The following SLC8B1 variants were observed in gnomAD, a reference collection of about 807,000 sequenced individuals.
SLC8B1 encodes the protein mitochondrial sodium/calcium exchanger protein.
In SLC8B1, 52 loss-of-function variants were observed where a neutral mutation model predicts 63.4. That is an observed-to-expected ratio of 0.82 (90% CI 0.66 to 1.03). The LOEUF is 1.03. SLC8B1 is among the 50% of genes least tolerant of loss of function. The pLI is 0.00. For synonymous variants in SLC8B1, 336 were observed against 323.9 expected (o/e 1.04, Z -0.40); for missense variants, 657 against 741.7 (o/e 0.89, Z 1.33).
intron 11 of SLC8B1, among the ~76,000 whole-genome samples, chr12:113,312,409 C>T (rs959583310): frequency 6.6e-6 from 1 of 152,144 alleles, no homozygotes; most frequent in African/African-American, 2.4e-5. Context: ...GCAATGACAG[C>T]CATGGACTTT....
In SLC8B1 at chr12:113,299,656, GCAAGGGCCGCACTCTCGTGCCCA is replaced by G; in HGVS notation, c.*98_*120del. The G allele has an allele frequency of 1.1e-6, 1 of 898,112 alleles. No homozygotes were observed. The highest frequency in any genetic ancestry group is 1.8e-6 in the Non-Finnish European group (1 of 566,290). 55.6% of individuals were successfully genotyped at this position (898,112 alleles called of 1,614,324 possible). A position where few individuals can be genotyped will look rare whatever the true frequency, so the allele number is the denominator to read the frequency against. On this transcript the variant is annotated 3_prime_UTR_variant, in exon 16 of 16. Transcript: ENST00000680972. ...CAGCAGTGACCTCAGATCTCCAGCA[GCAAGGGCCGCACTCTCGTGCCCA>G]CAAGGGCCTTGCAGAAATGCTCCGG...
At chr12:113,324,323 AC>A (rs1409509999) in intron 2 of SLC8B1, among the ~76,000 whole-genome samples, 16 of 150,362 alleles carry the variant, frequency 1.1e-4, no homozygotes, top group African/African-American at 3.7e-4. Flanking sequence ...AAAAAAACAA[AC>A]AAACAAAAAA....
intron 2 of SLC8B1, among the ~76,000 whole-genome samples, chr12:113,327,349 A>C (rs1424613727): frequency 6.6e-6 from 1 of 152,168 alleles, no homozygotes; most frequent in Non-Finnish European, 1.5e-5. Flanking sequence ...TTGGGCAAGT[A>C]AATTAACCTC....
Position 113,321,210 on chromosome 12 carries a change from C to T in SLC8B1, c.295G>A (p.Ala99Thr). Residue 99 changes from alanine to threonine, a missense_variant, in exon 3 of 16, where the codon GCT (alanine) becomes ACT (threonine). Physicochemically the swap from Ala to Thr is moderately conservative, Grantham distance 58. Coordinates refer to ENST00000680972, the MANE Select transcript of SLC8B1 (RefSeq NM_001358345.2). ...CAGGGCCTCACGTAGAGAGTGACAG[C>T]CAGAGGGAGGAGGCTGGGAGGGAAG... is the stretch of plus-strand genomic sequence containing the variant. ...CHFPPSLLPLAVTLYVSWLLY... is the reference protein window; with the variant it reads ...CHFPPSLLPLTVTLYVSWLLY... 1.2e-6 allele frequency: 2 copies of T among 1,614,100 alleles called. No homozygotes were observed. The highest frequency in any genetic ancestry group is 1.7e-6 in the Non-Finnish European group (2 of 1,179,968).
chr12:113,312,250 A>G (rs1316642326), intron 11 of SLC8B1, among the ~76,000 whole-genome samples: 1 of 152,060 alleles, frequency 6.6e-6, no homozygotes, highest in Non-Finnish European at 1.5e-5. Context: ...CCTGGCCAAC[A>G]TGGTGAAACC....
chr12:113,314,346 C>T (rs1956805516), intron 11 of SLC8B1, among the ~76,000 whole-genome samples: 1 of 152,252 alleles, frequency 6.6e-6, no homozygotes, highest in African/African-American at 2.4e-5. Context: ...CAACACCATG[C>T]CCAGCCATGC....
Position 113,320,824 on chromosome 12 carries a change from G to A in SLC8B1, c.420+26C>T, listed in dbSNP as rs201185002. 2.7e-5 allele frequency: 43 copies of A among 1,594,458 alleles called. No individual in the cohort carries two copies. Among genetic ancestry groups the A allele is most frequent in the African/African-American group, 1.1e-4 (8 of 74,862 alleles). On this transcript the variant is annotated intron_variant, in intron 5 of 15. Transcript: ENST00000680972. The surrounding 1 kb of genome is among the most constrained non-coding windows in gnomAD (Gnocchi z 5.3). ...TCCCCACAACTGCCCTCCCTCCAGG[G>A]TGCAGGACACTGGACAAAAGGATAC...
chr12:113,304,103 A>G (rs1460882049), intron 15 of SLC8B1, among the ~76,000 whole-genome samples: 1 of 151,918 alleles, frequency 6.6e-6, no homozygotes, highest in Non-Finnish European at 1.5e-5. Flanking sequence ...CTGGTCTCGA[A>G]CTCCTGACCT....
chr12:113,301,678 T>C (rs1223281566), intron 15 of SLC8B1, among the ~76,000 whole-genome samples: 1 of 152,200 alleles, frequency 6.6e-6, no homozygotes, highest in Non-Finnish European at 1.5e-5. Flanking sequence ...AAGTATCTAC[T>C]GAGTGCCTGC....
rs112405249 is a variant in SLC8B1 at position 113,311,670 on chromosome 12, A to G, written c.1136-1315T>C. The stretch of plus-strand genomic sequence containing the variant: ...CTGAATACACAAAATTGTGTACACA[A>G]TATGTTATGAGTGATTGTCAAGGGG... On this transcript the variant is annotated intron_variant, in intron 11 of 15. Transcript: ENST00000680972. Among the ~76,000 whole-genome samples the G allele has an allele frequency of 3.5e-3, 533 of 150,784 alleles. 6 individuals are homozygous for G. Among genetic ancestry groups the G allele is most frequent in the African/African-American group, 0.012 (507 of 41,082 alleles).
intron 9 of SLC8B1, 42 bp from the exon 10 acceptor site, chr12:113,316,698 C>A: frequency 6.2e-7 from 1 of 1,604,738 alleles, no homozygotes; most frequent in South Asian, 1.1e-5. Context: ...CTGCGGCTGA[C>A]TTGCTCTCCA....
chr12:113,316,868 G>C, intron 9 of SLC8B1, 74 bp downstream of exon 9: 3 of 1,543,896 alleles, frequency 1.9e-6, no homozygotes, highest in Non-Finnish European at 2.7e-6. Context: ...CCCAGGTCTT[G>C]GAGGGCCCCA....
intron 2 of SLC8B1, among the ~76,000 whole-genome samples, chr12:113,328,428 C>A (rs1957021418): frequency 6.6e-6 from 1 of 152,194 alleles, no homozygotes; most frequent in Admixed American, 6.5e-5. Flanking sequence ...GCCTCCTACC[C>A]CCAATCTTAC....
At chr12:113,329,309 GAA>G (rs1957031257) in intron 2 of SLC8B1, among the ~76,000 whole-genome samples, 1 of 152,128 alleles carries the variant, frequency 6.6e-6, no homozygotes, top group Non-Finnish European at 1.5e-5. Context: ...AGCTCCGCCT[GAA>G]AGTTACTCGC....
intron 1 of SLC8B1, among the ~76,000 whole-genome samples, chr12:113,334,137 G>A (rs1271231813): frequency 6.6e-6 from 1 of 152,150 alleles, no homozygotes; most frequent in Non-Finnish European, 1.5e-5. Context: ...CAGTGGGGCC[G>A]GGCTGGTCAC....
chr12:113,320,214 T>C lies in SLC8B1; in HGVS notation c.694+117A>G, dbSNP rs569941923. On this transcript the variant is annotated intron_variant, in intron 7 of 15. Coordinates refer to ENST00000680972, the MANE Select transcript of SLC8B1 (RefSeq NM_001358345.2). This position sits in a 1 kb window ranked among gnomAD's most constrained non-coding sequence, Gnocchi z 5.3. ...CCAGCTTGAGGAGGGTTTCTGTCAC[T>C]TGTAATCAAATCAAAGCCCCCACTG... is the stretch of plus-strand genomic sequence containing the variant. The C allele has an allele frequency of 1.6e-5, 20 of 1,278,530 alleles. No homozygotes were observed. The African/African-American group carries it at 3.0e-4, about 19-fold the overall frequency. 79.2% of individuals were successfully genotyped at this position (1,278,530 alleles called of 1,614,324 possible). A position where few individuals can be genotyped will look rare whatever the true frequency, so the allele number is the denominator to read the frequency against.
intron 10 of SLC8B1, 37 bp from the exon 11 acceptor site, chr12:113,315,513 G>C: frequency 6.6e-7 from 1 of 1,519,616 alleles, no homozygotes; most frequent in Non-Finnish European, 8.8e-7. Flanking sequence ...TGTCGGCAGG[G>C]AAGTCTGAAT....
chr12:113,301,809 G>T (rs537166170), intron 15 of SLC8B1, among the ~76,000 whole-genome samples: 4 of 152,212 alleles, frequency 2.6e-5, no homozygotes, highest in Non-Finnish European at 5.9e-5. Flanking sequence ...AAGACCCTTA[G>T]ACTTGACTGA....
At chr12:113,307,987 G>A in intron 12 of SLC8B1, 143 bp from the exon 13 acceptor site, 4 of 944,152 alleles carry the variant, frequency 4.2e-6, no homozygotes, top group Non-Finnish European at 6.0e-6. Flanking sequence ...ATATGCATTG[G>A]TGCCTGTGCA....
Sources: gnomAD v4.1 joint callset for allele counts (sites outside exome capture counted in the v4.1 genomes callset) on GRCh38, gnomAD v4.1.1 for gene constraint, Gnocchi (gnomAD v3.1) non-coding constraint, MANE v1.5 for transcripts, NCBI Gene and HGNC (gene_info 2026-07-23, HGNC 2026-07-21) for gene names.